Variants in ERI3 observed in about 807,000 individuals in gnomAD.
ERI3 encodes the protein ERI1 exoribonuclease 3.
In ERI3, 18 loss-of-function variants were observed where a neutral mutation model predicts 44.4. The ratio of observed to expected loss-of-function variants is 0.41; its 90% CI spans 0.28 to 0.60. The LOEUF (loss-of-function observed/expected upper bound fraction) is 0.60. ERI3 is among the 20% of genes least tolerant of loss of function. The probability of loss-of-function intolerance (pLI) is 0.36; values close to 1 mark genes in which losing one functional copy is unlikely to be tolerated. For missense variants in ERI3, 294 were observed against 435.5 expected (o/e 0.68, Z 2.89); for synonymous variants, 183 against 164.8 (o/e 1.11, Z -0.84).
intron 6 of ERI3, among the ~76,000 whole-genome samples, chr1:44,288,678 C>T (rs1483535327): frequency 6.6e-6 from 1 of 152,144 alleles, no homozygotes; most frequent in Non-Finnish European, 1.5e-5. Flanking sequence ...CAGGCATAAG[C>T]TGTATAGATA....
upstream of ERI3, chr1:44,355,277 C>T: frequency 8.8e-7 from 1 of 1,134,548 alleles, no homozygotes; most frequent in Non-Finnish European, 1.1e-6. Context: ...CACTCTGACC[C>T]CGACCGACGC....
intron 7 of ERI3, among the ~76,000 whole-genome samples, chr1:44,282,390 G>A (rs1460222141): frequency 1.3e-5 from 2 of 152,126 alleles, no homozygotes; most frequent in African/African-American, 4.8e-5. Flanking sequence ...TAAGATCAAG[G>A]ACAGGAGAGG....
intron 8 of ERI3, among the ~76,000 whole-genome samples, chr1:44,240,017 C>T (rs962637800): frequency 5.9e-5 from 9 of 152,258 alleles, no homozygotes; most frequent in Non-Finnish European, 1.0e-4. Flanking sequence ...CCAGCACTCC[C>T]AGCTCCCAGC....
At chr1:44,273,745 C>T (rs1645130192) in intron 7 of ERI3, among the ~76,000 whole-genome samples, 1 of 152,164 alleles carries the variant, frequency 6.6e-6, no homozygotes, top group South Asian at 2.1e-4. Context: ...GATGGGGGAA[C>T]ATCAGAGAAA....
At chr1:44,264,154 G>A (rs149918175) in intron 7 of ERI3, among the ~76,000 whole-genome samples, 2 of 152,336 alleles carry the variant, frequency 1.3e-5, no homozygotes, top group East Asian at 3.9e-4. Context: ...CGGTGCGACT[G>A]CTCAGCAGAG....
intron 1 of ERI3, chr1:44,353,618 C>A (rs1249757537): frequency 2.0e-6 from 2 of 985,256 alleles, no homozygotes; most frequent in Admixed American, 1.2e-4. Flanking sequence ...AGGCCACTCA[C>A]CAATTTACCC....
intron 7 of ERI3, among the ~76,000 whole-genome samples, chr1:44,277,212 C>T (rs557460199): frequency 6.6e-6 from 1 of 152,316 alleles, no homozygotes; most frequent in East Asian, 1.9e-4. Flanking sequence ...TCCTTCCCTC[C>T]TGTCACAATA....
intron 2 of ERI3, among the ~76,000 whole-genome samples, chr1:44,345,844 G>A (rs563393971): frequency 6.6e-6 from 1 of 152,130 alleles, no homozygotes; most frequent in Non-Finnish European, 1.5e-5. Context: ...AAGAGAAAAG[G>A]ACTGCCCAAG....
intron 6 of ERI3, among the ~76,000 whole-genome samples, chr1:44,297,979 A>T (rs1310696870): frequency 6.6e-6 from 1 of 152,248 alleles, no homozygotes. Context: ...GCCCTAGAGA[A>T]GTCCTGCCAA....
chr1:44,277,740 C>T (rs1645207445), intron 7 of ERI3, among the ~76,000 whole-genome samples: 2 of 152,238 alleles, frequency 1.3e-5, no homozygotes, highest in Admixed American at 1.3e-4. Flanking sequence ...TCTGTCTCTT[C>T]AGCATTTAGC....
At chr1:44,283,086 C>T (rs957422254) in intron 7 of ERI3, among the ~76,000 whole-genome samples, 6 of 152,188 alleles carry the variant, frequency 3.9e-5, no homozygotes, top group East Asian at 1.9e-4. Flanking sequence ...CTCGCCTGGC[C>T]GGGCCTTCAC....
At chr1:44,245,064 T>C (rs1343946636) in intron 8 of ERI3, among the ~76,000 whole-genome samples, 1 of 152,144 alleles carries the variant, frequency 6.6e-6, no homozygotes, top group Non-Finnish European at 1.5e-5. Context: ...CCAGCCTGAG[T>C]GGCCAGTGAC....
At chr1:44,307,195 C>G (rs1211646731) in intron 6 of ERI3, among the ~76,000 whole-genome samples, 1 of 152,164 alleles carries the variant, frequency 6.6e-6, no homozygotes, top group Middle Eastern at 3.4e-3. Flanking sequence ...TGATTTGGGG[C>G]CTTTTCTTCC....
chr1:44,281,917 TGTGTG>T (rs1645298650), intron 7 of ERI3, among the ~76,000 whole-genome samples: 1 of 151,020 alleles, frequency 6.6e-6, no homozygotes, highest in East Asian at 1.9e-4. Flanking sequence ...TGTGTGTGTG[TGTGTG>T]TGTGTATGTA....
At chr1:44,299,547 G>A (rs140063141) in intron 6 of ERI3, among the ~76,000 whole-genome samples, 55 of 152,116 alleles carry the variant, frequency 3.6e-4, no homozygotes, top group Non-Finnish European at 6.6e-4. Context: ...AAAAAACACA[G>A]ATCTAAGCAA....
At chr1:44,237,774 G>T (rs546177659) in intron 8 of ERI3, among the ~76,000 whole-genome samples, 1 of 152,128 alleles carries the variant, frequency 6.6e-6, no homozygotes, top group South Asian at 2.1e-4. Flanking sequence ...AAATCCATAC[G>T]TCTCCAGGCT....
intron 7 of ERI3, among the ~76,000 whole-genome samples, chr1:44,278,972 T>C (rs1187975253): frequency 1.3e-5 from 2 of 152,234 alleles, no homozygotes; most frequent in Non-Finnish European, 1.5e-5. Flanking sequence ...TCATACTAGC[T>C]ACATTTCAAG....
intron 7 of ERI3, among the ~76,000 whole-genome samples, chr1:44,250,928 C>T (rs1291165): frequency 0.027 from 4,112 of 152,298 alleles, 82 homozygotes; most frequent in African/African-American, 0.057. Flanking sequence ...CTGCTGAGAG[C>T]CCTGGCACGT....
At chr1:44,269,433 C>A (rs1375019372) in intron 7 of ERI3, among the ~76,000 whole-genome samples, 1 of 152,234 alleles carries the variant, frequency 6.6e-6, no homozygotes, top group East Asian at 1.9e-4. Context: ...GACCACAAAT[C>A]CCATACTGGC....
Sources: gnomAD v4.1 joint callset for allele counts (sites outside exome capture counted in the v4.1 genomes callset) on GRCh38, gnomAD v4.1.1 for gene constraint, MANE v1.5 for transcripts, NCBI Gene and HGNC (gene_info 2026-07-23, HGNC 2026-07-21) for gene names.